ADARB1: variants seen among roughly 807,000 people sequenced by gnomAD.
ADARB1 encodes double-stranded RNA-specific editase 1.
In ADARB1, 10 loss-of-function variants were observed where a neutral mutation model predicts 52.4. The ratio of observed to expected loss-of-function variants is 0.19; its 90% CI spans 0.12 to 0.32. The LOEUF is 0.32. Ranked by LOEUF, ADARB1 falls within the 10% of genes least tolerant of loss-of-function variation. ADARB1 has a pLI of 1.00. For missense variants in ADARB1, 643 were observed against 922.3 expected (o/e 0.70, Z 3.92); for synonymous variants, 349 against 371.1 (o/e 0.94, Z 0.68).
At chr21:45,097,158 G>C (rs2086799013) in intron 1 of ADARB1, among the ~76,000 whole-genome samples, 1 of 152,164 alleles carries the variant, frequency 6.6e-6, no homozygotes, top group African/African-American at 2.4e-5. Context: ...CTTTAGGTAC[G>C]AGATGGGTGG....
rs1180170869 is a variant in ADARB1 at position 45,201,693 on chromosome 21, A to G, written c.1566-2862A>G. On this transcript the variant is annotated intron_variant, in intron 8 of 10. Coordinates refer to ENST00000348831, the MANE Select transcript of ADARB1 (RefSeq NM_001112.4). ...AGTGCTGGGATAGGTCAGTAAAGAA[A>G]GCAGACAGAAACCTCTTCCTGCACT... Among the ~76,000 whole-genome samples the G allele has an allele frequency of 3.3e-5, 5 of 152,234 alleles. 1 individual carries two copies. The highest frequency in any genetic ancestry group is 1.2e-4 in the African/African-American group (5 of 41,454).
intron 1 of ADARB1, among the ~76,000 whole-genome samples, chr21:45,086,988 G>A (rs974800966): frequency 2.0e-5 from 3 of 152,182 alleles, no homozygotes; most frequent in Non-Finnish European, 4.4e-5. Flanking sequence ...GATGAAATAT[G>A]GTTATAATGT....
intron 2 of ADARB1, among the ~76,000 whole-genome samples, chr21:45,136,079 C>T (rs1360781013): frequency 6.6e-6 from 1 of 152,046 alleles, no homozygotes; most frequent in African/African-American, 2.4e-5. Context: ...TGGGAGGGAT[C>T]AGAGGGATCG....
rs534522276 is a variant in ADARB1 at position 45,097,900 on chromosome 21, C to T, written c.-220+23107C>T. Among the ~76,000 whole-genome samples, 9 of 152,238 alleles carry T rather than the reference C, an allele frequency of 5.9e-5. No homozygotes were observed. The East Asian group carries it at 1.5e-3, about 26-fold the overall frequency. ...GCCTGCTAGGCAGCCTCGCCCTGCT[C>T]CCCACTGATGTCACACAGGTGTCAC... is the stretch of plus-strand genomic sequence containing the variant. On this transcript the variant is annotated intron_variant, in intron 1 of 10. Transcript: ENST00000348831.
At chr21:45,144,858 C>T (rs2089929092) in intron 2 of ADARB1, 1 of 189,618 alleles carries the variant, frequency 5.3e-6, no homozygotes, top group South Asian at 8.8e-5. Context: ...CTCTGACTTT[C>T]AAGAAACCAA....
intron 9 of ADARB1, among the ~76,000 whole-genome samples, chr21:45,210,699 A>G (rs916417465): frequency 6.6e-6 from 1 of 152,152 alleles, no homozygotes; most frequent in Non-Finnish European, 1.5e-5. Context: ...GCCATATTCC[A>G]CTGTCCCTAG....
chr21:45,194,249 T>C (rs1312412834), intron 8 of ADARB1, among the ~76,000 whole-genome samples: 1 of 152,200 alleles, frequency 6.6e-6, no homozygotes. Context: ...TCTCCCACTC[T>C]AGTGCTATAT....
At chr21:45,136,933 A>C (rs922123090) in intron 2 of ADARB1, 8 of 152,276 alleles carry the variant, frequency 5.3e-5, no homozygotes, top group African/African-American at 1.9e-4. Flanking sequence ...TTGGATTCCC[A>C]GTTTATATGT....
intron 2 of ADARB1, among the ~76,000 whole-genome samples, chr21:45,136,498 C>T (rs1004145558): frequency 6.6e-6 from 1 of 152,234 alleles, no homozygotes; most frequent in African/African-American, 2.4e-5. Context: ...CTACGCCCGG[C>T]ACCATGTTTC....
At chr21:45,140,806 C>T (rs2089681528) in intron 2 of ADARB1, among the ~76,000 whole-genome samples, 1 of 152,110 alleles carries the variant, frequency 6.6e-6, no homozygotes, top group African/African-American at 2.4e-5. Context: ...AAAATTTTAT[C>T]AAGTAATTTA....
At chr21:45,086,547 A>G (rs1456770384) in intron 1 of ADARB1, among the ~76,000 whole-genome samples, 1 of 152,180 alleles carries the variant, frequency 6.6e-6, no homozygotes, top group Non-Finnish European at 1.5e-5. Flanking sequence ...CTGTTTCCAC[A>G]TGTGCCTTGC....
At chr21:45,151,439 T>C (rs990931435) in intron 2 of ADARB1, among the ~76,000 whole-genome samples, 1 of 152,232 alleles carries the variant, frequency 6.6e-6, no homozygotes, top group Non-Finnish European at 1.5e-5. Flanking sequence ...AAAAGGTACT[T>C]TGTTACACGA....
chr21:45,196,599 G>A (rs372770143), intron 8 of ADARB1, among the ~76,000 whole-genome samples: 8 of 152,268 alleles, frequency 5.3e-5, no homozygotes, highest in African/African-American at 1.4e-4. Context: ...TCTAATAAAC[G>A]ATTGGTATCC....
intron 1 of ADARB1, among the ~76,000 whole-genome samples, chr21:45,084,171 T>C (rs936701487): frequency 2.0e-5 from 3 of 152,240 alleles, no homozygotes; most frequent in African/African-American, 7.2e-5. Context: ...TTGAATTGCT[T>C]GTTGCCGAGG....
At position 45,157,581 on chromosome 21, in the gene ADARB1, T is replaced by A. The variant is rs1324758759; in HGVS notation, c.-47-14029T>A. On this transcript the variant is annotated intron_variant, in intron 2 of 10. Coordinates refer to ENST00000348831, the MANE Select transcript of ADARB1 (RefSeq NM_001112.4). This position sits in a 1 kb window ranked among gnomAD's most constrained non-coding sequence, Gnocchi z 4.1. ...TGTTGCTGGATGTCTCCTTCAGCAGTTCATGTGGCTTTCTAAAGCTTGCCA... is the reference window on the plus strand; with the variant it reads ...TGTTGCTGGATGTCTCCTTCAGCAGATCATGTGGCTTTCTAAAGCTTGCCA... Among the ~76,000 whole-genome samples the A allele has an allele frequency of 6.6e-6, 1 of 152,162 alleles. No homozygotes were observed. Among genetic ancestry groups the A allele is most frequent in the Non-Finnish European group, 1.5e-5 (1 of 68,026 alleles).
intron 1 of ADARB1, among the ~76,000 whole-genome samples, chr21:45,082,245 G>C (rs986611712): frequency 1.5e-4 from 23 of 152,246 alleles, no homozygotes; most frequent in African/African-American, 5.3e-4. Context: ...ATATTTGTTT[G>C]TATAGATACC....
At chr21:45,148,598 C>T (rs754003175) in intron 2 of ADARB1, among the ~76,000 whole-genome samples, 3 of 152,264 alleles carry the variant, frequency 2.0e-5, no homozygotes, top group South Asian at 4.1e-4. Flanking sequence ...TTGGAGGAGT[C>T]GGTTTGTGAA....
rs151184099 is a variant in ADARB1, at chr21:45,155,534, G to A, written c.-47-16076G>A. On this transcript the variant is annotated intron_variant, in intron 2 of 10. Coordinates refer to ENST00000348831, the MANE Select transcript of ADARB1 (RefSeq NM_001112.4). ...CTCATTGTAGTCCATCCATCTGTCC[G>A]TCAACCTATCATCCATCTGTTCACT... Among the ~76,000 whole-genome samples the A allele has an allele frequency of 1.8e-4, 28 of 152,026 alleles. No homozygotes were observed. In the East Asian group the frequency reaches 4.1e-3, roughly 22 times the overall value.
chr21:45,181,824 A>G (rs1004009809), intron 5 of ADARB1, among the ~76,000 whole-genome samples: 1 of 152,202 alleles, frequency 6.6e-6, no homozygotes, highest in Admixed American at 6.5e-5. Context: ...CAGTTCCCTC[A>G]TCTATACAGT....
Sources: allele counts gnomAD v4.1 joint callset (sites outside exome capture counted in the v4.1 genomes callset), GRCh38; gene constraint gnomAD v4.1.1; non-coding constraint Gnocchi (gnomAD v3.1); transcripts MANE v1.5; gene names NCBI Gene and HGNC (gene_info 2026-07-23, HGNC 2026-07-21).